GOLM1: variants seen among roughly 807,000 people sequenced by gnomAD.
GOLM1 encodes golgi membrane protein 1.
In GOLM1, 31 loss-of-function variants were observed where a neutral mutation model predicts 50.5. That is an observed-to-expected ratio of 0.61 (90% CI 0.46 to 0.83). GOLM1 has a LOEUF of 0.83. Ranked by LOEUF, GOLM1 falls within the 40% of genes least tolerant of loss-of-function variation. GOLM1 has a pLI of 0.00. For synonymous variants in GOLM1, 178 were observed against 192.8 expected (o/e 0.92, Z 0.64); for missense variants, 491 against 501.3 (o/e 0.98, Z 0.20).
chr9:86,036,281 C>CT (rs1833142085), intron 7 of GOLM1, 67 bp downstream of exon 7: 1 of 1,539,764 alleles, frequency 6.5e-7, no homozygotes, highest in African/African-American at 1.4e-5. Context: ...CAGCAGCTCG[C>CT]TGGGACTGCT....
chr9:86,060,263 TAAG>T (rs1348119623), intron 3 of GOLM1, among the ~76,000 whole-genome samples: 4 of 151,502 alleles, frequency 2.6e-5, no homozygotes, highest in Admixed American at 2.0e-4. Flanking sequence ...TCCAGAGGAA[TAAG>T]AAGGTGGGGG....
chr9:86,049,721 T>A (rs1266178470), intron 4 of GOLM1, among the ~76,000 whole-genome samples: 1 of 152,218 alleles, frequency 6.6e-6, no homozygotes, highest in East Asian at 1.9e-4. Context: ...GATTTTGTAT[T>A]CTGAGACTTT....
intron 1 of GOLM1, among the ~76,000 whole-genome samples, chr9:86,087,758 T>C (rs1034593674): frequency 6.6e-6 from 1 of 152,218 alleles, no homozygotes; most frequent in African/African-American, 2.4e-5. Flanking sequence ...AATTCATATG[T>C]TGAACCAGCC....
chr9:86,031,315 G>T (rs542862419), intron 9 of GOLM1, among the ~76,000 whole-genome samples: 5 of 152,088 alleles, frequency 3.3e-5, no homozygotes, highest in Admixed American at 6.5e-5. Context: ...GCTGAATTCT[G>T]AAGTTTATGA....
Position 86,026,305 on chromosome 9 carries a change from T to C in GOLM1, c.*1512A>G, listed in dbSNP as rs1021033197. ...AGGACTTAGAAGAGTATGAAAGTAC[T>C]CTAAGATTTTATCTAAGTTGCCTTT... On this transcript the variant is annotated 3_prime_UTR_variant, in exon 10 of 10. Transcript: ENST00000388712. 1.0e-6 allele frequency: 1 copy of C among 984,876 alleles called. No homozygotes were observed. Among genetic ancestry groups the C allele is most frequent in the Non-Finnish European group, 1.2e-6 (1 of 829,556 alleles). The allele number at this position is 984,876 out of a possible 1,614,324, so 61.0% of individuals were successfully genotyped here. A position where few individuals can be genotyped will look rare whatever the true frequency, so the allele number is the denominator to read the frequency against.
intron 3 of GOLM1, among the ~76,000 whole-genome samples, chr9:86,054,560 T>G (rs7031120): frequency 0.32 from 49,337 of 152,006 alleles, 8,196 homozygotes; most frequent in South Asian, 0.45. Context: ...GAGGTAGTAG[T>G]GTATTATCAC....
chr9:86,082,876 T>C (rs546212332), intron 1 of GOLM1, among the ~76,000 whole-genome samples: 1 of 152,072 alleles, frequency 6.6e-6, no homozygotes, highest in Non-Finnish European at 1.5e-5. Context: ...TCAATATATT[T>C]ATTTTAATCC....
At chr9:86,051,473 C>G (rs529658855) in intron 4 of GOLM1, among the ~76,000 whole-genome samples, 13 of 152,204 alleles carry the variant, frequency 8.5e-5, no homozygotes, top group African/African-American at 3.1e-4. Flanking sequence ...GTGTTAAAGT[C>G]TCCCATTATT....
intron 1 of GOLM1, among the ~76,000 whole-genome samples, chr9:86,096,047 G>T (rs181100311): frequency 1.1e-4 from 17 of 152,276 alleles, no homozygotes; most frequent in Admixed American, 1.0e-3. Flanking sequence ...GTCCATTGAA[G>T]TAGGCTTACT....
chr9:86,096,177 G>GT (rs11475801), intron 1 of GOLM1, among the ~76,000 whole-genome samples: 194 of 140,576 alleles, frequency 1.4e-3, no homozygotes, highest in South Asian at 3.7e-3. Context: ...TGCTCGATAG[G>GT]TTTTTTTTTT....
At chr9:86,056,147 A>T (rs1382877510) in intron 3 of GOLM1, among the ~76,000 whole-genome samples, 1 of 152,138 alleles carries the variant, frequency 6.6e-6, no homozygotes, top group Admixed American at 6.5e-5. Context: ...CTCCCGACCC[A>T]AATCACATTA....
Position 86,095,074 on chromosome 9 carries a change from T to TAA in GOLM1, c.-22+4335_-22+4336dup, listed in dbSNP as rs71372459. Among the ~76,000 whole-genome samples the TAA allele has an allele frequency of 7.6e-3, 1,026 of 135,218 alleles. 10 individuals are homozygous for TAA. The highest frequency in any genetic ancestry group is 0.023 in the African/African-American group (872 of 37,248). 88.7% of individuals were successfully genotyped at this position (135,218 alleles called of 152,430 possible). A position where few individuals can be genotyped will look rare whatever the true frequency, so the allele number is the denominator to read the frequency against. Reference sequence around the variant, plus strand: ...CTCCAGCCTGGGCAAAAACCCCGTCTAAAAAAAAAAAAAAGAAAAAGAAAA... The same window carrying TAA: ...CTCCAGCCTGGGCAAAAACCCCGTCTAAAAAAAAAAAAAAAAGAAAAAGAAAA... On this transcript the variant is annotated intron_variant, in intron 1 of 9. Coordinates refer to ENST00000388712, the MANE Select transcript of GOLM1 (RefSeq NM_016548.4).
intron 2 of GOLM1, among the ~76,000 whole-genome samples, chr9:86,078,832 C>G (rs533255585): frequency 7.2e-5 from 11 of 152,326 alleles, no homozygotes; most frequent in African/African-American, 2.6e-4. Context: ...TACTACTCTT[C>G]GATATCTTGG....
chr9:86,098,073 T>A (rs571210520), intron 1 of GOLM1, among the ~76,000 whole-genome samples: 59 of 151,356 alleles, frequency 3.9e-4, no homozygotes, highest in South Asian at 8.4e-4. Context: ...AAACCAACTT[T>A]AAAAAAAAAT....
chr9:86,041,284 G>A (rs1833339157), intron 5 of GOLM1, among the ~76,000 whole-genome samples: 1 of 152,140 alleles, frequency 6.6e-6, no homozygotes, highest in African/African-American at 2.4e-5. Flanking sequence ...CTTGGAGGTG[G>A]GGAAGGATGG....
At chr9:86,087,422 T>C (rs1056424472) in intron 1 of GOLM1, among the ~76,000 whole-genome samples, 2 of 152,318 alleles carry the variant, frequency 1.3e-5, no homozygotes, top group African/African-American at 2.4e-5. Flanking sequence ...CTCTTCCTAT[T>C]TGAATACATT....
chr9:86,074,039 A>T (rs1834532572), intron 3 of GOLM1, among the ~76,000 whole-genome samples: 1 of 152,108 alleles, frequency 6.6e-6, no homozygotes, highest in Admixed American at 6.6e-5. Flanking sequence ...CCAGAGTGAC[A>T]GTGACTGCTT....
chr9:86,032,261 G>C (rs1425816195), intron 9 of GOLM1, among the ~76,000 whole-genome samples: 1 of 152,038 alleles, frequency 6.6e-6, no homozygotes, highest in African/African-American at 2.4e-5. Context: ...TCTGCCTCCC[G>C]GGTTCAAGCG....
intron 3 of GOLM1, among the ~76,000 whole-genome samples, chr9:86,058,962 C>T (rs1356983178): frequency 6.6e-6 from 1 of 152,074 alleles, no homozygotes. Context: ...TGAGCCATTG[C>T]ATTCCAGCCT....
Sources: allele counts gnomAD v4.1 joint callset (sites outside exome capture counted in the v4.1 genomes callset), GRCh38; gene constraint gnomAD v4.1.1; transcripts MANE v1.5; gene names NCBI Gene and HGNC (gene_info 2026-07-23, HGNC 2026-07-21).